Variants in PIWIL3 observed in about 807,000 individuals in gnomAD.
The protein encoded by PIWIL3 is piwi-like protein 3.
PIWIL3 carries 101 observed loss-of-function variants against 109.7 expected under a neutral mutation model. The ratio of observed to expected loss-of-function variants is 0.92; its 90% CI spans 0.78 to 1.09. The LOEUF (loss-of-function observed/expected upper bound fraction) is 1.09. Among genes scored for constraint, PIWIL3 ranks in the 50% least tolerant of loss-of-function variants. The pLI is 0.00. For synonymous variants in PIWIL3, 373 were observed against 376.4 expected (o/e 0.99, Z 0.10); for missense variants, 1,031 against 1,072.6 (o/e 0.96, Z 0.54).
intron 13 of PIWIL3, among the ~76,000 whole-genome samples, chr22:24,734,471 T>C (rs1315082257): frequency 6.6e-6 from 1 of 151,962 alleles, no homozygotes; most frequent in Non-Finnish European, 1.5e-5. Flanking sequence ...AAGAGACAAA[T>C]AAGCAAAAAC....
intron 16 of PIWIL3, 32 bp downstream of exon 16, chr22:24,727,918 C>G (rs1349105852): frequency 6.5e-7 from 1 of 1,540,814 alleles, no homozygotes; most frequent in Admixed American, 1.7e-5. Flanking sequence ...CAGTCAGCTA[C>G]TAACTAAACA....
At chr22:24,773,652 T>C (rs879783541) in intron 1 of PIWIL3, among the ~76,000 whole-genome samples, 28 of 151,940 alleles carry the variant, frequency 1.8e-4, no homozygotes, top group Non-Finnish European at 3.4e-4. Context: ...ATCTAAAATA[T>C]ATTAAGTTTT....
intron 1 of PIWIL3, among the ~76,000 whole-genome samples, chr22:24,764,625 C>CGTGTGTGTGTGTGTGT (rs140531011): frequency 0.024 from 3,250 of 134,604 alleles, 91 homozygotes; most frequent in East Asian, 0.032. Context: ...TTGACCTTGC[C>CGTGTGTGTGTGTGTGT]GTGTGTGTGT....
intron 1 of PIWIL3, among the ~76,000 whole-genome samples, chr22:24,768,995 G>C (rs985780178): frequency 6.6e-6 from 1 of 152,164 alleles, no homozygotes; most frequent in Non-Finnish European, 1.5e-5. Flanking sequence ...AGAGCCGCAA[G>C]GTGGTGCTAT....
At position 24,719,843 on chromosome 22, in the gene PIWIL3, T is replaced by C. The variant is rs1555909569; in HGVS notation, c.2410A>G (p.Thr804Ala). The C allele has an allele frequency of 1.9e-6, 3 of 1,611,148 alleles. No individual in the cohort carries two copies. The highest frequency in any genetic ancestry group is 4.5e-5 in the East Asian group (2 of 44,854). ...QSVQDGTVTP[T>A]HYNVIYDTIG... ...GTGTCATAGATGACGTTATAATGAG[T>C]GGGGGTAACAGTCCCATCTTGCACA... Residue 804 changes from threonine to alanine, a missense_variant, in exon 20 of 21, where the codon ACT (threonine) becomes GCT (alanine). Coordinates refer to ENST00000616349, the MANE Select transcript of PIWIL3 (RefSeq NM_001255975.1).
In PIWIL3 at chr22:24,749,813, T is replaced by C. The variant is rs752660165; in HGVS notation, c.1096A>G (p.Lys366Glu). The stretch of plus-strand genomic sequence containing the variant: ...TGTTTCTTCACTGTGACAATTTCTT[T>C]ATGTTGCTGCTCAACAAACAAGAGA... Reference protein sequence around the residue: ...TYIDYYRQQHKEIVTVKKQPL... With the variant: ...TYIDYYRQQHEEIVTVKKQPL... Residue 366 changes from lysine (K) to glutamate (E), a missense_variant, in exon 10 of 21, where the codon AAA (lysine) becomes GAA (glutamate). Coordinates refer to ENST00000616349, the MANE Select transcript of PIWIL3 (RefSeq NM_001255975.1). 6.2e-7 allele frequency: 1 copy of C among 1,613,916 alleles called. No homozygotes were observed. Among genetic ancestry groups the C allele is most frequent in the Non-Finnish European group, 8.5e-7 (1 of 1,179,980 alleles).
intron 16 of PIWIL3, among the ~76,000 whole-genome samples, chr22:24,727,110 T>C (rs1325711817): frequency 6.6e-6 from 1 of 152,222 alleles, no homozygotes; most frequent in Non-Finnish European, 1.5e-5. Flanking sequence ...TATGTTTCCA[T>C]GTCTCTTTAC....
Position 24,753,966 on chromosome 22 carries a change from G to C in PIWIL3, c.977+48C>G, listed in dbSNP as rs778301949. On this transcript the variant is annotated intron_variant, in intron 8 of 20. Coordinates refer to ENST00000616349, the MANE Select transcript of PIWIL3 (RefSeq NM_001255975.1). ...TATAGGACCATCTCTTGGGGTGGGG[G>C]AAGGGGGAGTTAAAGTGATTGGATA... The C allele has an allele frequency of 7.5e-6, 11 of 1,475,024 alleles. No homozygotes were observed. The African/African-American group carries it at 1.4e-4, about 19-fold the overall frequency. The allele number at this position is 1,475,024 out of a possible 1,614,324, so 91.4% of individuals were successfully genotyped here. A position where few individuals can be genotyped will look rare whatever the true frequency, so the allele number is the denominator to read the frequency against.
At chr22:24,744,166 G>C (rs1310288805) in intron 12 of PIWIL3, among the ~76,000 whole-genome samples, 7 of 52,078 alleles carry the variant, frequency 1.3e-4, no homozygotes, top group Non-Finnish European at 2.5e-4. Context: ...CTAATTGAAA[G>C]AGTGACCGAA....
chr22:24,765,985 A>T (rs1925765426), intron 1 of PIWIL3, among the ~76,000 whole-genome samples: 1 of 151,646 alleles, frequency 6.6e-6, no homozygotes, highest in Non-Finnish European at 1.5e-5. Flanking sequence ...TATTTTTATC[A>T]TGAATTCCCT....
At chr22:24,737,587 T>C (rs1569101162) in intron 12 of PIWIL3, among the ~76,000 whole-genome samples, 1 of 152,200 alleles carries the variant, frequency 6.6e-6, no homozygotes, top group Non-Finnish European at 1.5e-5. Flanking sequence ...GGGGACTTTG[T>C]CTTGCACCTT....
At chr22:24,737,819 A>G (rs1923753570) in intron 12 of PIWIL3, among the ~76,000 whole-genome samples, 1 of 152,120 alleles carries the variant, frequency 6.6e-6, no homozygotes, top group Non-Finnish European at 1.5e-5. Flanking sequence ...AGTACTCCCT[A>G]TGGGCCTGTG....
intron 4 of PIWIL3, among the ~76,000 whole-genome samples, chr22:24,757,079 C>CAAAAAAA (rs71189275): frequency 4.9e-4 from 45 of 91,708 alleles, no homozygotes; most frequent in African/African-American, 1.5e-3. Flanking sequence ...AACTCCGTCT[C>CAAAAAAA]AAAAAAAAAA....
At chr22:24,748,097 C>A (rs1011865794) in intron 12 of PIWIL3, among the ~76,000 whole-genome samples, 1 of 141,688 alleles carries the variant, frequency 7.1e-6, no homozygotes, top group African/African-American at 2.6e-5. Context: ...ACTATTCAGC[C>A]GTAAAAAAAA....
At chr22:24,772,741 T>C (rs915258375) in intron 1 of PIWIL3, among the ~76,000 whole-genome samples, 7 of 152,164 alleles carry the variant, frequency 4.6e-5, no homozygotes, top group African/African-American at 1.7e-4. Flanking sequence ...CACAGCAGCA[T>C]CTAGTGGACT....
At chr22:24,733,760 C>T (rs1204493437) in intron 14 of PIWIL3, among the ~76,000 whole-genome samples, 1 of 151,942 alleles carries the variant, frequency 6.6e-6, no homozygotes, top group Non-Finnish European at 1.5e-5. Flanking sequence ...ATCGTGATCA[C>T]AGACTTGGCA....
chr22:24,720,529 C>G (rs546377347), intron 19 of PIWIL3, among the ~76,000 whole-genome samples: 3 of 152,086 alleles, frequency 2.0e-5, no homozygotes, highest in Non-Finnish European at 4.4e-5. Flanking sequence ...CCTCGGCCTC[C>G]CAAAGTGCTG....
intron 13 of PIWIL3, among the ~76,000 whole-genome samples, chr22:24,735,069 A>T (rs191064375): frequency 1.2e-4 from 18 of 152,204 alleles, no homozygotes; most frequent in Admixed American, 1.1e-3. Flanking sequence ...AAATAAATAA[A>T]TTAGTGGTCC....
rs1440781848 is a variant in PIWIL3, at chr22:24,755,773, C to T, written c.692+11G>A. On this transcript the variant is annotated intron_variant, in intron 6 of 20. Transcript: ENST00000616349. ...AATGAGTATCAAAGAAACTCAACCCCGGTAACATACCTTCTAAAGAGAATG... is the reference window on the plus strand; with the variant it reads ...AATGAGTATCAAAGAAACTCAACCCTGGTAACATACCTTCTAAAGAGAATG... 15 of 1,613,616 alleles carry T rather than the reference C, an allele frequency of 9.3e-6. No individual in the cohort carries two copies. In the Admixed American group the frequency reaches 1.5e-4, roughly 16 times the overall value.
Sources: gnomAD v4.1 joint callset for allele counts (sites outside exome capture counted in the v4.1 genomes callset) on GRCh38, gnomAD v4.1.1 for gene constraint, MANE v1.5 for transcripts, NCBI Gene and HGNC (gene_info 2026-07-23, HGNC 2026-07-21) for gene names.